SEZ6L: variants seen among roughly 807,000 people sequenced by gnomAD.
The protein encoded by SEZ6L is seizure related 6 homolog like, also known as seizure 6-like protein.
SEZ6L carries 37 observed loss-of-function variants against 106.2 expected under a neutral mutation model. The ratio of observed to expected loss-of-function variants is 0.35; its 90% CI spans 0.27 to 0.46. SEZ6L has a LOEUF of 0.46. SEZ6L is among the 20% of genes least tolerant of loss of function. The pLI, the probability that SEZ6L is intolerant of heterozygous loss-of-function variation, is 1.00. For missense variants in SEZ6L, 1,172 were observed against 1,332.8 expected (o/e 0.88, Z 1.88); for synonymous variants, 541 against 570.4 (o/e 0.95, Z 0.73).
chr22:26,226,944 G>A (rs996606311), intron 1 of SEZ6L, among the ~76,000 whole-genome samples: 1 of 152,138 alleles, frequency 6.6e-6, no homozygotes, highest in African/African-American at 2.4e-5. Context: ...AGAGGAGCTG[G>A]GGTCCTTGTT....
At chr22:26,186,444 T>A (rs924825494) in intron 1 of SEZ6L, among the ~76,000 whole-genome samples, 1 of 152,080 alleles carries the variant, frequency 6.6e-6, no homozygotes, top group East Asian at 1.9e-4. Flanking sequence ...TTGGGCTAAC[T>A]CCAAATATAA....
intron 1 of SEZ6L, among the ~76,000 whole-genome samples, chr22:26,277,485 G>A (rs2080589181): frequency 6.6e-6 from 1 of 152,138 alleles, no homozygotes; most frequent in South Asian, 2.1e-4. Flanking sequence ...TAATCAGTTG[G>A]GCTTCTGTTT....
At chr22:26,369,994 G>C (rs980461870) in intron 13 of SEZ6L, among the ~76,000 whole-genome samples, 1 of 152,214 alleles carries the variant, frequency 6.6e-6, no homozygotes, top group Non-Finnish European at 1.5e-5. Context: ...AAGATTGCCT[G>C]TAAACCCTCT....
At chr22:26,208,210 C>T (rs981849958) in intron 1 of SEZ6L, among the ~76,000 whole-genome samples, 3 of 152,036 alleles carry the variant, frequency 2.0e-5, no homozygotes, top group African/African-American at 4.8e-5. Context: ...CCACTGCGCC[C>T]GGCCATATTC....
intron 3 of SEZ6L, among the ~76,000 whole-genome samples, chr22:26,294,747 C>T (rs2081243518): frequency 6.6e-6 from 1 of 151,878 alleles, no homozygotes; most frequent in African/African-American, 2.4e-5. Context: ...CACACACACA[C>T]ACACACACAC....
rs573114220 is a variant in SEZ6L at position 26,343,359 on chromosome 22, A to G, written c.2212+2727A>G. 7.9e-5 allele frequency among the ~76,000 whole-genome samples: 12 copies of G among 151,472 alleles called. No homozygotes were observed. In the East Asian group the frequency reaches 2.3e-3, roughly 29 times the overall value. ...AAAAAAAAACTGACTGACTCTATCC[A>G]AGGCTGGTCAAGGTTAACCAGAAAG... On this transcript the variant is annotated intron_variant, in intron 10 of 16. Transcript: ENST00000248933.
chr22:26,284,912 T>C (rs1452785920), intron 1 of SEZ6L, among the ~76,000 whole-genome samples: 1 of 152,218 alleles, frequency 6.6e-6, no homozygotes, highest in Non-Finnish European at 1.5e-5. Flanking sequence ...GTCTTTATTT[T>C]TTTTTTCACC....
chr22:26,362,697 T>C (rs1327833859), intron 12 of SEZ6L, among the ~76,000 whole-genome samples: 1 of 152,184 alleles, frequency 6.6e-6, no homozygotes, highest in African/African-American at 2.4e-5. Context: ...CCGCCAGAGC[T>C]ATCTATGGTG....
At chr22:26,316,892 G>GAAAGAAGAA (rs1229794374) in intron 9 of SEZ6L, among the ~76,000 whole-genome samples, 1,230 of 103,720 alleles carry the variant, frequency 0.012, 11 homozygotes, top group East Asian at 0.056. Context: ...AAGAAAGAAA[G>GAAAGAAGAA]AGAAAGAAAG....
chr22:26,236,831 G>T (rs567531357), intron 1 of SEZ6L, among the ~76,000 whole-genome samples: 57 of 152,312 alleles, frequency 3.7e-4, no homozygotes, highest in African/African-American at 1.3e-3. Context: ...CTGAGCCTCA[G>T]CTTGGTGTGG....
Position 26,381,949 on chromosome 22 carries a change from G to T in SEZ6L, c.*1654G>T, listed in dbSNP as rs971381336. On this transcript the variant is annotated 3_prime_UTR_variant, in exon 17 of 17. Coordinates refer to ENST00000248933, the MANE Select transcript of SEZ6L (RefSeq NM_021115.5). ...ATAGGGAGAATAGCAGGGAGTCTATGTTTTGGTGGTTACATTGGAAACATC... is the reference window on the plus strand; with the variant it reads ...ATAGGGAGAATAGCAGGGAGTCTATTTTTTGGTGGTTACATTGGAAACATC... The T allele has an allele frequency of 2.0e-6, 1 of 507,792 alleles. No homozygotes were observed. The highest frequency in any genetic ancestry group is 1.9e-5 in the African/African-American group (1 of 51,388). 31.5% of individuals were successfully genotyped at this position (507,792 alleles called of 1,614,324 possible).
At chr22:26,194,868 A>G (rs1288478192) in intron 1 of SEZ6L, among the ~76,000 whole-genome samples, 1 of 152,250 alleles carries the variant, frequency 6.6e-6, no homozygotes, top group African/African-American at 2.4e-5. Flanking sequence ...AGTGTTCAGC[A>G]TATCCTAAGT....
At chr22:26,323,920 C>T (rs1270092322) in intron 9 of SEZ6L, among the ~76,000 whole-genome samples, 1 of 152,080 alleles carries the variant, frequency 6.6e-6, no homozygotes, top group Non-Finnish European at 1.5e-5. Flanking sequence ...GCAATATCTA[C>T]ATCACGTCAG....
At chr22:26,179,304 C>A (rs1388061117) in intron 1 of SEZ6L, among the ~76,000 whole-genome samples, 2 of 152,138 alleles carry the variant, frequency 1.3e-5, no homozygotes, top group Non-Finnish European at 2.9e-5. Context: ...ATGGGGGGAT[C>A]CACTGCAGCC....
intron 1 of SEZ6L, among the ~76,000 whole-genome samples, chr22:26,252,172 G>A (rs1461654429): frequency 6.6e-6 from 1 of 152,146 alleles, no homozygotes; most frequent in Non-Finnish European, 1.5e-5. Flanking sequence ...GGTGTCTCAT[G>A]TGCACATTCA....
At chr22:26,370,723 G>C (rs1482946674) in intron 13 of SEZ6L, among the ~76,000 whole-genome samples, 2 of 151,962 alleles carry the variant, frequency 1.3e-5, no homozygotes, top group South Asian at 4.1e-4. Flanking sequence ...AGAAAAAAAG[G>C]CTGGGTGTGG....
chr22:26,243,864 A>G (rs991356068), intron 1 of SEZ6L, among the ~76,000 whole-genome samples: 2 of 151,690 alleles, frequency 1.3e-5, no homozygotes, highest in Admixed American at 6.6e-5. Context: ...TCACAAGAGA[A>G]GAAAGATGAG....
chr22:26,217,178 T>C (rs552036361), intron 1 of SEZ6L, among the ~76,000 whole-genome samples: 13 of 152,316 alleles, frequency 8.5e-5, no homozygotes, highest in Non-Finnish European at 1.8e-4. Flanking sequence ...ACAGTGCTAG[T>C]AGGTAGCAGA....
intron 5 of SEZ6L, among the ~76,000 whole-genome samples, chr22:26,303,990 A>T (rs2081532467): frequency 6.6e-6 from 1 of 152,116 alleles, no homozygotes; most frequent in Non-Finnish European, 1.5e-5. Context: ...GCTATTCTTC[A>T]CATCCCTTCC....
Sources: gnomAD v4.1 joint callset for allele counts (sites outside exome capture counted in the v4.1 genomes callset) on GRCh38, gnomAD v4.1.1 for gene constraint, MANE v1.5 for transcripts, NCBI Gene and HGNC (gene_info 2026-07-23, HGNC 2026-07-21) for gene names.